Variants in CHRNB4 observed in about 807,000 individuals in gnomAD.
The protein encoded by CHRNB4 is cholinergic receptor nicotinic beta 4 subunit.
A neutral mutation model predicts 40.4 loss-of-function variants in CHRNB4; 23 were observed. The ratio of observed to expected loss-of-function variants is 0.57; its 90% CI spans 0.41 to 0.81. The LOEUF (loss-of-function observed/expected upper bound fraction) is 0.81. Ranked by LOEUF, CHRNB4 falls within the 30% of genes least tolerant of loss-of-function variation. The pLI is 0.00. For missense variants in CHRNB4, 568 were observed against 670.6 expected, an observed-to-expected ratio of 0.85 and a Z score of 1.69; for synonymous variants, 285 against 274.4, an observed-to-expected ratio of 1.04 and a Z score of -0.38.
chr15:78,629,971 C>T lies in CHRNB4; in HGVS notation c.360-26G>A, dbSNP rs921819501. Reference sequence around the variant, plus strand: ...CTGGGCAGGGTCAGGGCATGGAGAACATCGTGAAACCCATACACAAAACCT... The same window carrying T: ...CTGGGCAGGGTCAGGGCATGGAGAATATCGTGAAACCCATACACAAAACCT... On this transcript the variant is annotated intron_variant, in intron 4 of 5. Transcript: ENST00000261751. This position sits in a 1 kb window ranked among gnomAD's most constrained non-coding sequence, Gnocchi z 6.8. 3.9e-6 allele frequency: 6 copies of T among 1,526,200 alleles called. No individual in the cohort carries two copies. Among genetic ancestry groups the T allele is most frequent in the Admixed American group, 2.1e-5 (1 of 48,080 alleles). The allele number at this position is 1,526,200 out of a possible 1,614,324, so 94.5% of individuals were successfully genotyped here.
rs774307823 is a variant in CHRNB4 at position 78,629,365 on chromosome 15, C to T, written c.940G>A (p.Val314Ile). 6.8e-6 allele frequency: 11 copies of T among 1,614,072 alleles called. No individual in the cohort carries two copies. The East Asian group carries it at 8.9e-5, about 13-fold the overall frequency. Residue 314 changes from valine to isoleucine, a missense_variant, in exon 5 of 6, where the codon GTC becomes ATC. Transcript: ENST00000261751. The surrounding 1 kb of genome is among the most constrained non-coding windows in gnomAD (Gnocchi z 6.8). ...VLVTFSIVTS[V>I]CVLNVHHRSP... ...CGGTGGTGCACATTGAGCACACAGA[C>T]GCTGGTGACGATGGAGAAGGTGACC...
intron 7 of CHRNB4, among the ~76,000 whole-genome samples, chr15:78,648,114 C>T (rs914907902): frequency 2.6e-5 from 4 of 151,880 alleles, no homozygotes; most frequent in Admixed American, 1.3e-4. Flanking sequence ...GGTGGTAGGG[C>T]CGGGCGAGGT....
Position 78,625,038 on chromosome 15 carries a change from A to G in CHRNB4, c.*95T>C. On this transcript the variant is annotated 3_prime_UTR_variant, in exon 6 of 6. Transcript: ENST00000261751. ...TGGGGTTGATGGCCAATGCTCACAT[A>G]TTTACTTAGGGCCTCATCAGCCACA... is the stretch of plus-strand genomic sequence containing the variant. 2.5e-6 allele frequency: 4 copies of G among 1,604,998 alleles called. No homozygotes were observed. In the South Asian group the frequency reaches 4.4e-5, roughly 18 times the overall value.
chr15:78,630,449 CTT>C (rs2053780607), intron 4 of CHRNB4, among the ~76,000 whole-genome samples: 1 of 152,154 alleles, frequency 6.6e-6, no homozygotes, highest in Non-Finnish European at 1.5e-5. Flanking sequence ...ATCAAGCACT[CTT>C]AAGGCTTCCC....
chr15:78,641,206 C>A lies in CHRNB4; in HGVS notation c.-73G>T, dbSNP rs981994376. 1.5e-5 allele frequency: 20 copies of A among 1,348,146 alleles called. No homozygotes were observed. Among genetic ancestry groups the A allele is most frequent in the Middle Eastern group, 2.3e-4 (1 of 4,302 alleles). The allele number at this position is 1,348,146 out of a possible 1,614,324, so 83.5% of individuals were successfully genotyped here. A position where few individuals can be genotyped will look rare whatever the true frequency, so the allele number is the denominator to read the frequency against. On this transcript the variant is annotated 5_prime_UTR_variant, in exon 1 of 6. Coordinates refer to ENST00000261751, the MANE Select transcript of CHRNB4 (RefSeq NM_000750.5). ...ACAGGGCACCCGTGAGCCGCGCGGT[C>A]GAGTGAGCGCCGGTCCTGGCCCCCG...
intron 4 of CHRNB4, 131 bp from the exon 5 acceptor site, chr15:78,630,076 T>A: frequency 9.8e-7 from 1 of 1,024,908 alleles, no homozygotes; most frequent in Non-Finnish European, 1.3e-6. Context: ...AGGCCCTCAC[T>A]GAAAGGAGGG....
At chr15:78,638,125 G>A (rs1304700328) in intron 1 of CHRNB4, among the ~76,000 whole-genome samples, 3 of 152,226 alleles carry the variant, frequency 2.0e-5, no homozygotes, top group African/African-American at 7.2e-5. Context: ...TACTAGGGGA[G>A]GCTGGATCCC....
chr15:78,649,712 A>G (rs1169910163), intron 6 of CHRNB4, among the ~76,000 whole-genome samples: 1 of 152,034 alleles, frequency 6.6e-6, no homozygotes, highest in East Asian at 2.0e-4. Flanking sequence ...ACATTTAAAA[A>G]CATGTTTAAA....
At chr15:78,641,477 G>C (rs2054074703), upstream of CHRNB4, among the ~76,000 whole-genome samples, 1 of 152,254 alleles carries the variant, frequency 6.6e-6, no homozygotes, top group Non-Finnish European at 1.5e-5. Context: ...GCGGACGCTA[G>C]CGCAGGATCC....
chr15:78,638,052 A>G (rs1460392000), intron 1 of CHRNB4, among the ~76,000 whole-genome samples: 1 of 152,190 alleles, frequency 6.6e-6, no homozygotes, highest in Non-Finnish European at 1.5e-5. Context: ...GCCCAAGCCC[A>G]TCTGGCATGT....
At chr15:78,627,606 G>A (rs2053687205) in intron 5 of CHRNB4, 1 of 152,096 alleles carries the variant, frequency 6.6e-6, no homozygotes, top group South Asian at 2.1e-4. Flanking sequence ...CAGCTGCACA[G>A]GGGCAGACAC....
At chr15:78,661,110 G>C (rs1355878199), upstream of CHRNB4, 2 of 613,252 alleles carry the variant, frequency 3.3e-6, no homozygotes, top group Non-Finnish European at 6.3e-6. Flanking sequence ...TGGAGCGGAC[G>C]TAGGCTTTGG....
At chr15:78,655,310 G>A (rs1434586170) in intron 5 of CHRNB4, among the ~76,000 whole-genome samples, 3 of 150,888 alleles carry the variant, frequency 2.0e-5, no homozygotes, top group Admixed American at 6.6e-5. Flanking sequence ...AGGCTCAAGC[G>A]ATCCTCCCCC....
chr15:78,647,883 A>AG (rs2054139422), intron 7 of CHRNB4, among the ~76,000 whole-genome samples: 1 of 150,162 alleles, frequency 6.7e-6, no homozygotes, highest in African/African-American at 2.5e-5. Flanking sequence ...AAAAAAAAAA[A>AG]AAGAGATTCT....
chr15:78,632,253 CTCTT>C (rs1211652251), intron 2 of CHRNB4, among the ~76,000 whole-genome samples: 3 of 87,870 alleles, frequency 3.4e-5, no homozygotes, highest in African/African-American at 2.3e-4. Flanking sequence ...CTCTCTCTCT[CTCTT>C]TCTTTCTTTC....
At position 78,625,248 on chromosome 15, in the gene CHRNB4, A is replaced by G; in HGVS notation, c.1382T>C (p.Leu461Pro). ...CACAAACATGAACACCCACAGGAAC[A>G]GCCGGTCCACCACCATAGCCACGTA... ...WKYVAMVVDR[L>P]FLWVFMFVCV... Residue 461 changes from leucine to proline, a missense_variant, in exon 6 of 6, where the codon CTG (leucine) becomes CCG (proline). Leu to Pro is a moderately conservative substitution (Grantham distance 98, BLOSUM62 -3). This residue lies in a region of CHRNB4 where 242 missense variants were observed against 274.9 expected (regional missense o/e 0.88). Coordinates refer to ENST00000261751, the MANE Select transcript of CHRNB4 (RefSeq NM_000750.5). 6.4e-7 allele frequency: 1 copy of G among 1,569,210 alleles called. No homozygotes were observed. The highest frequency in any genetic ancestry group is 8.6e-7 in the Non-Finnish European group (1 of 1,158,774).
intron 7 of CHRNB4, among the ~76,000 whole-genome samples, chr15:78,648,675 C>T (rs867518789): frequency 7.1e-4 from 107 of 150,602 alleles, no homozygotes; most frequent in African/African-American, 2.5e-3. Flanking sequence ...ATTGCTTGAA[C>T]CCGGGAGGCG....
At chr15:78,631,207 T>G in intron 3 of CHRNB4, 22 bp from the exon 4 acceptor site, 1 of 1,613,336 alleles carries the variant, frequency 6.2e-7, no homozygotes, top group Non-Finnish European at 8.5e-7. Context: ...GGCAAGGCCC[T>G]GTCACTTGCA....
chr15:78,657,475 T>G (rs1043625740), intron 2 of CHRNB4: 1 of 152,250 alleles, frequency 6.6e-6, no homozygotes, highest in African/African-American at 2.4e-5. Flanking sequence ...TTACTCTATA[T>G]AAGTTTTGAA....
Sources: allele counts gnomAD v4.1 joint callset (sites outside exome capture counted in the v4.1 genomes callset), GRCh38; gene constraint gnomAD v4.1.1; regional missense constraint gnomAD v4.1.1; non-coding constraint Gnocchi (gnomAD v3.1); transcripts MANE v1.5; gene names NCBI Gene and HGNC (gene_info 2026-07-23, HGNC 2026-07-21).